Variants in MAMDC2 observed in about 807,000 individuals in gnomAD.
The protein encoded by MAMDC2 is MAM domain containing 2, also known as MAM domain-containing protein 2.
In MAMDC2, 57 loss-of-function variants were observed where a neutral mutation model predicts 89.8. The ratio of observed to expected loss-of-function variants is 0.63; its 90% CI spans 0.51 to 0.79. MAMDC2 has a LOEUF of 0.79. Ranked by LOEUF, MAMDC2 falls within the 30% of genes least tolerant of loss-of-function variation. The probability of loss-of-function intolerance (pLI) is 0.00; values close to 1 mark genes in which losing one functional copy is unlikely to be tolerated. For synonymous variants in MAMDC2, 313 were observed against 293.4 expected (o/e 1.07, Z -0.68); for missense variants, 800 against 820.6 (o/e 0.97, Z 0.31).
intron 2 of MAMDC2, among the ~76,000 whole-genome samples, chr9:70,096,758 G>A (rs1483244248): frequency 6.6e-6 from 1 of 151,958 alleles, no homozygotes; most frequent in African/African-American, 2.4e-5. Context: ...ACAAGTAAGA[G>A]ACTAACAAAG....
intron 9 of MAMDC2, among the ~76,000 whole-genome samples, chr9:70,159,565 T>C (rs1253200421): frequency 6.6e-6 from 1 of 152,200 alleles, no homozygotes; most frequent in Non-Finnish European, 1.5e-5. Context: ...TGCTGTCTTC[T>C]TCAGGCCCAG....
In MAMDC2 at chr9:70,108,229, A is replaced by C. The variant is rs372529368; in HGVS notation, c.167A>C (p.Asp56Ala). 6 of 1,605,034 alleles carry C rather than the reference A, an allele frequency of 3.7e-6. No individual in the cohort carries two copies. The African/African-American group carries it at 6.7e-5, about 18-fold the overall frequency. The change falls in exon 3 of 14, where the codon GAT (aspartate) becomes GCT (alanine). Residue 56 changes from aspartate to alanine, a missense_variant. Coordinates refer to ENST00000377182, the MANE Select transcript of MAMDC2 (RefSeq NM_153267.5). ...LNEEGHYIYV[D>A]TSFGKQGEKA... ...TTTCCAGGCCATTACATTTATGTGG[A>C]TACCTCCTTTGGCAAGCAGGGGGAG...
intron 9 of MAMDC2, among the ~76,000 whole-genome samples, chr9:70,166,294 CACACACACACATAT>C (rs1273935793): frequency 1.4e-5 from 1 of 73,498 alleles, no homozygotes; most frequent in Non-Finnish European, 3.5e-5. Context: ...CACACACACA[CACACACACACATAT>C]ATATATATAC....
rs755304556 is a variant in MAMDC2, at chr9:70,159,047, TACAC to T, written c.1405-9626_1405-9623del. ...TAAACATATATGTGTGCATGCATAATACACACACACACACACACACACACACACA... is the reference window on the plus strand; with the variant it reads ...TAAACATATATGTGTGCATGCATAATACACACACACACACACACACACACA... On this transcript the variant is annotated intron_variant, in intron 9 of 13. Coordinates refer to ENST00000377182, the MANE Select transcript of MAMDC2 (RefSeq NM_153267.5). 6.9e-3 allele frequency among the ~76,000 whole-genome samples: 1,003 copies of T among 145,094 alleles called. 4 individuals are homozygous for T. Among genetic ancestry groups the T allele is most frequent in the African/African-American group, 0.02 (779 of 39,764 alleles).
chr9:70,193,125 T>G (rs993222370), intron 11 of MAMDC2, among the ~76,000 whole-genome samples: 2 of 152,096 alleles, frequency 1.3e-5, no homozygotes, highest in African/African-American at 2.4e-5. Flanking sequence ...CTGACTGAAG[T>G]TCAGTCAAGC....
chr9:70,082,683 G>C (rs1827680733), intron 2 of MAMDC2: 1 of 152,118 alleles, frequency 6.6e-6, no homozygotes, highest in Admixed American at 6.6e-5. Flanking sequence ...AGTCAGGTGT[G>C]ATTACAGCCT....
At chr9:70,096,477 C>G (rs1319858371) in intron 2 of MAMDC2, among the ~76,000 whole-genome samples, 1 of 152,192 alleles carries the variant, frequency 6.6e-6, no homozygotes, top group Non-Finnish European at 1.5e-5. Flanking sequence ...AAGAAACCTA[C>G]TAGCTGAGTC....
At chr9:70,142,155 T>G (rs1238826200) in intron 8 of MAMDC2, among the ~76,000 whole-genome samples, 1 of 152,066 alleles carries the variant, frequency 6.6e-6, no homozygotes, top group Non-Finnish European at 1.5e-5. Flanking sequence ...AGAATCTAAT[T>G]TGGGTTCAGG....
At chr9:70,126,514 AGTC>A in intron 6 of MAMDC2, 99 bp downstream of exon 6, 1 of 1,271,714 alleles carries the variant, frequency 7.9e-7, no homozygotes, top group Non-Finnish European at 1.1e-6. Flanking sequence ...CCTCACACTC[AGTC>A]TGTCTTTTCT....
At chr9:70,072,057 G>A (rs993238814) in intron 2 of MAMDC2, among the ~76,000 whole-genome samples, 1 of 152,122 alleles carries the variant, frequency 6.6e-6, no homozygotes, top group African/African-American at 2.4e-5. Flanking sequence ...GTTTATTAAA[G>A]ATCAGCTGTC....
At chr9:70,065,725 G>A (rs1587438833) in intron 2 of MAMDC2, among the ~76,000 whole-genome samples, 1 of 152,022 alleles carries the variant, frequency 6.6e-6, no homozygotes, top group East Asian at 1.9e-4. Context: ...GACATTGAGT[G>A]GAGTACACTG....
intron 7 of MAMDC2, among the ~76,000 whole-genome samples, chr9:70,133,911 G>A (rs917550071): frequency 6.6e-6 from 1 of 152,208 alleles, no homozygotes; most frequent in Non-Finnish European, 1.5e-5. Flanking sequence ...TGATGATTGT[G>A]TCAGCTGGAG....
intron 7 of MAMDC2, among the ~76,000 whole-genome samples, chr9:70,138,903 C>T (rs546066450): frequency 6.6e-6 from 1 of 152,218 alleles, no homozygotes; most frequent in East Asian, 1.9e-4. Context: ...TCAAAGTAGA[C>T]ATCAGCTGTG....
chr9:70,056,884 G>A (rs75350130), intron 2 of MAMDC2, among the ~76,000 whole-genome samples: 2,356 of 152,262 alleles, frequency 0.015, 65 homozygotes, highest in African/African-American at 0.054. Flanking sequence ...CACATGTAAA[G>A]GATCTAGGTT....
Position 70,044,655 on chromosome 9 carries a change from G to C in MAMDC2, c.106G>C (p.Asp36His), listed in dbSNP as rs1327072454. The C allele has an allele frequency of 9.7e-6, 15 of 1,551,614 alleles. No individual in the cohort carries two copies. In the Middle Eastern group the frequency reaches 5.0e-4, roughly 52 times the overall value. ...CAFEESTCGF[D>H]SVLASLPWIL... is the part of the protein sequence containing the mutation. The stretch of plus-strand genomic sequence containing the variant: ...CTTTGAAGAGAGCACTTGCGGCTTT[G>C]ACTCCGTGTTGGCCTCTCTGCCGTG... Residue 36 changes from aspartate (D) to histidine (H), a missense_variant, in exon 2 of 14, where the codon GAC (aspartate) becomes CAC (histidine). By Grantham distance (81) the Asp-to-His change is moderately conservative (BLOSUM62 -1). Transcript: ENST00000377182.
At chr9:70,099,926 G>C (rs1308637539) in intron 2 of MAMDC2, among the ~76,000 whole-genome samples, 1 of 151,150 alleles carries the variant, frequency 6.6e-6, no homozygotes, top group Non-Finnish European at 1.5e-5. Flanking sequence ...AGTGAGCTGA[G>C]GTTACGCCAC....
At chr9:70,204,107 G>A (rs1165870803) in intron 11 of MAMDC2, among the ~76,000 whole-genome samples, 7 of 152,042 alleles carry the variant, frequency 4.6e-5, no homozygotes, top group Non-Finnish European at 5.9e-5. Flanking sequence ...GAGGAACTGC[G>A]TTCCTCTGGA....
chr9:70,077,684 C>T (rs1392507312), intron 2 of MAMDC2, among the ~76,000 whole-genome samples: 1 of 152,170 alleles, frequency 6.6e-6, no homozygotes, highest in Non-Finnish European at 1.5e-5. Flanking sequence ...CTGTATGCAT[C>T]ACATGCCCAT....
At chr9:70,179,816 A>ACT (rs201689480) in intron 11 of MAMDC2, among the ~76,000 whole-genome samples, 1 of 25,596 alleles carries the variant, frequency 3.9e-5, no homozygotes, top group South Asian at 3.0e-3. Flanking sequence ...ATCACTGTGC[A>ACT]CTCGCTACAA....
Sources: allele counts gnomAD v4.1 joint callset (sites outside exome capture counted in the v4.1 genomes callset), GRCh38; gene constraint gnomAD v4.1.1; transcripts MANE v1.5; gene names NCBI Gene and HGNC (gene_info 2026-07-23, HGNC 2026-07-21).